EIPR1: variants seen among roughly 807,000 people sequenced by gnomAD.
The protein encoded by EIPR1 is EARP complex and GARP complex interacting protein 1, also known as EARP and GARP complex-interacting protein 1.
A neutral mutation model predicts 48.1 loss-of-function variants in EIPR1; 25 were observed. The ratio of observed to expected loss-of-function variants is 0.52; its 90% CI spans 0.38 to 0.73. EIPR1 has a LOEUF of 0.73. Ranked by LOEUF, EIPR1 falls within the 30% of genes least tolerant of loss-of-function variation. The pLI is 0.00. For missense variants in EIPR1, 415 were observed against 506.2 expected, an observed-to-expected ratio of 0.82 and a Z score of 1.73; for synonymous variants, 204 against 201.9, an observed-to-expected ratio of 1.01 and a Z score of -0.09.
At chr2:3,265,255 G>A (rs984075131) in intron 3 of EIPR1, among the ~76,000 whole-genome samples, 3 of 152,146 alleles carry the variant, frequency 2.0e-5, no homozygotes, top group African/African-American at 7.2e-5. Context: ...AGCTGCACAC[G>A]TTGCTGAGTA....
intron 3 of EIPR1, among the ~76,000 whole-genome samples, chr2:3,302,715 G>T (rs1374635357): frequency 1.3e-5 from 2 of 152,144 alleles, no homozygotes; most frequent in Non-Finnish European, 2.9e-5. Context: ...TGGAACCCCC[G>T]CCACCTTGTC....
chr2:3,257,423 C>A lies in EIPR1; in HGVS notation c.292G>T (p.Val98Leu), dbSNP rs200794439. 1.8e-4 allele frequency: 289 copies of A among 1,614,092 alleles called. No individual in the cohort carries two copies. The highest frequency in any genetic ancestry group is 1.6e-4 in the Middle Eastern group (1 of 6,084). The stretch of plus-strand genomic sequence containing the variant: ...TCCAATTCCTTCGGCATCCTCCACA[C>A]GGCTGCACATGTCAGGACTTTGCTG... ...SDSKVLTCAA[V>L]WRMPKELESG... Residue 98 changes from valine to leucine, a missense_variant, in exon 4 of 9, where the codon GTG (valine) becomes TTG (leucine). Val to Leu is a conservative substitution (Grantham distance 32, BLOSUM62 1). Coordinates refer to ENST00000382125, the MANE Select transcript of EIPR1 (RefSeq NM_003310.5).
In EIPR1 at chr2:3,257,517, C is replaced by A. The variant is rs924505099; in HGVS notation, c.260-62G>T. On this transcript the variant is annotated intron_variant, in intron 3 of 8. Transcript: ENST00000382125. Reference sequence around the variant, plus strand: ...CACGGTGTGCCCCGCATTCTGCAGACAGCACACGCACATTTACACAAATCC... The same window carrying A: ...CACGGTGTGCCCCGCATTCTGCAGAAAGCACACGCACATTTACACAAATCC... The A allele has an allele frequency of 5.7e-6, 9 of 1,577,312 alleles. No homozygotes were observed. The African/African-American group carries it at 6.7e-5, about 12-fold the overall frequency.
intron 3 of EIPR1, among the ~76,000 whole-genome samples, chr2:3,326,081 T>C (rs1669689481): frequency 6.6e-6 from 1 of 152,184 alleles, no homozygotes; most frequent in Non-Finnish European, 1.5e-5. Context: ...TGCCCCCCTC[T>C]CCTGGGGGTA....
At chr2:3,327,223 G>C (rs377480328) in intron 3 of EIPR1, among the ~76,000 whole-genome samples, 3 of 152,114 alleles carry the variant, frequency 2.0e-5, no homozygotes, top group South Asian at 4.1e-4. Flanking sequence ...TCATCCTGTC[G>C]CCCAGGCTGG....
intron 4 of EIPR1, among the ~76,000 whole-genome samples, chr2:3,252,619 G>A (rs1271782514): frequency 6.6e-6 from 1 of 152,032 alleles, no homozygotes; most frequent in Non-Finnish European, 1.5e-5. Flanking sequence ...AAAAAATTGG[G>A]CAAAATGGCA....
rs6548127 is a variant in EIPR1 at position 3,199,072 on chromosome 2, G to A, written c.517-2055C>T. Among the ~76,000 whole-genome samples the A allele has an allele frequency of 6.1e-4, 15 of 24,406 alleles. 3 individuals carry two copies. The highest frequency in any genetic ancestry group is 2.8e-3 in the South Asian group (2 of 712). 16.0% of individuals were successfully genotyped at this position (24,406 alleles called of 152,430 possible). A position where few individuals can be genotyped will look rare whatever the true frequency, so the allele number is the denominator to read the frequency against. ...GGCCATTTTAGAGGGCCCCCCCCCC[G>A]CCCCGGGAATGCATTCTTTTCCCGG... On this transcript the variant is annotated intron_variant, in intron 5 of 8. Coordinates refer to ENST00000382125, the MANE Select transcript of EIPR1 (RefSeq NM_003310.5).
chr2:3,319,897 T>C (rs1473222382), intron 3 of EIPR1: 1 of 75,866 alleles, frequency 1.3e-5, no homozygotes, highest in African/African-American at 7.8e-5. Context: ...ACACCGCACC[T>C]GTGGACAACA....
chr2:3,317,412 G>A (rs1418740499), intron 3 of EIPR1, among the ~76,000 whole-genome samples: 3 of 149,424 alleles, frequency 2.0e-5, no homozygotes, highest in East Asian at 2.0e-4. Context: ...TGCCTCGCAC[G>A]CAGGGTGGAG....
At chr2:3,305,675 G>A (rs1290303317) in intron 3 of EIPR1, among the ~76,000 whole-genome samples, 3 of 152,148 alleles carry the variant, frequency 2.0e-5, no homozygotes, top group African/African-American at 4.8e-5. Flanking sequence ...GACAAAGGGG[G>A]ACCTGCCCGC....
chr2:3,309,933 G>A (rs867336125), intron 3 of EIPR1, among the ~76,000 whole-genome samples: 17 of 152,194 alleles, frequency 1.1e-4, no homozygotes, highest in Admixed American at 9.8e-4. Flanking sequence ...CCCTGTGTAC[G>A]CACAGGTGTG....
chr2:3,215,166 A>C (rs1020640879), intron 4 of EIPR1, among the ~76,000 whole-genome samples: 3 of 152,244 alleles, frequency 2.0e-5, no homozygotes, highest in Admixed American at 6.5e-5. Context: ...TCAGTAACTA[A>C]GGAATGGACA....
intron 3 of EIPR1, among the ~76,000 whole-genome samples, chr2:3,269,505 AATC>A (rs370188187): frequency 0.2 from 6,420 of 32,120 alleles, 672 homozygotes; most frequent in East Asian, 0.25. Flanking sequence ...CATCGCACTC[AATC>A]ATCATCACAC....
At chr2:3,257,642 C>G (rs957250661) in intron 3 of EIPR1, 187 bp from the exon 4 acceptor site, 1 of 546,172 alleles carries the variant, frequency 1.8e-6, no homozygotes, top group East Asian at 3.3e-5. Flanking sequence ...GAACCCGGCA[C>G]GGTTCGTAAT....
chr2:3,193,619 C>T (rs1664688509), intron 7 of EIPR1, among the ~76,000 whole-genome samples: 1 of 152,216 alleles, frequency 6.6e-6, no homozygotes, highest in African/African-American at 2.4e-5. Flanking sequence ...ATTCTCCCGA[C>T]AGCTGCATCA....
At chr2:3,263,568 T>C (rs1326116652) in intron 3 of EIPR1, among the ~76,000 whole-genome samples, 2 of 152,346 alleles carry the variant, frequency 1.3e-5, no homozygotes, top group East Asian at 3.9e-4. Context: ...CAGGATCTCC[T>C]ATCCACATCA....
At chr2:3,376,682 C>A (rs1417802126) in intron 1 of EIPR1, among the ~76,000 whole-genome samples, 1 of 114,908 alleles carries the variant, frequency 8.7e-6, no homozygotes, top group Admixed American at 1.0e-4. Context: ...CGGAGCAAGA[C>A]TCCATCTCAA....
intron 4 of EIPR1, among the ~76,000 whole-genome samples, chr2:3,247,598 T>C (rs1317195037): frequency 6.6e-6 from 1 of 152,194 alleles, no homozygotes; most frequent in Non-Finnish European, 1.5e-5. Context: ...GGTGTAAACA[T>C]GAGCTGGGTA....
At chr2:3,304,422 A>T (rs1165297432) in intron 3 of EIPR1, among the ~76,000 whole-genome samples, 2 of 150,040 alleles carry the variant, frequency 1.3e-5, no homozygotes, top group Admixed American at 6.6e-5. Context: ...TCAACCCTCC[A>T]CTCCCGTCCA....
Sources: gnomAD v4.1 joint callset for allele counts (sites outside exome capture counted in the v4.1 genomes callset) on GRCh38, gnomAD v4.1.1 for gene constraint, MANE v1.5 for transcripts, NCBI Gene and HGNC (gene_info 2026-07-23, HGNC 2026-07-21) for gene names.